Variants in RBM6 observed in about 807,000 individuals in gnomAD.
RBM6 encodes RNA binding motif protein 6, also known as RNA-binding protein 6.
A neutral mutation model predicts 140.4 loss-of-function variants in RBM6; 23 were observed. The ratio of observed to expected loss-of-function variants is 0.16; its 90% CI spans 0.12 to 0.23. The LOEUF (loss-of-function observed/expected upper bound fraction) is 0.23. RBM6 is among the 10% of genes least tolerant of loss of function. The probability of loss-of-function intolerance (pLI) is 1.00; values close to 1 mark genes in which losing one functional copy is unlikely to be tolerated. For synonymous variants in RBM6, 439 were observed against 475.6 expected, an observed-to-expected ratio of 0.92 and a Z score of 1.00; for missense variants, 1,139 against 1,386.7, an observed-to-expected ratio of 0.82 and a Z score of 2.84.
intron 2 of RBM6, among the ~76,000 whole-genome samples, chr3:49,965,893 A>G (rs901215351): frequency 6.6e-6 from 1 of 152,120 alleles, no homozygotes; most frequent in South Asian, 2.1e-4. Context: ...GGGGAGACAG[A>G]GATGGGTGGC....
chr3:50,051,047 AAGAG>A (rs894927174), intron 7 of RBM6, among the ~76,000 whole-genome samples: 15 of 151,974 alleles, frequency 9.9e-5, no homozygotes, highest in South Asian at 2.1e-4. Flanking sequence ...AAGAAAAAAA[AAGAG>A]AGAGAGAGAG....
At chr3:49,963,082 A>G in intron 2 of RBM6, 1 of 156,050 alleles carries the variant, frequency 6.4e-6, no homozygotes, top group Non-Finnish European at 1.4e-5. Flanking sequence ...CTTGGGCGAC[A>G]GAGGAAGACT....
intron 7 of RBM6, among the ~76,000 whole-genome samples, chr3:50,049,979 C>G (rs1025321437): frequency 2.0e-5 from 3 of 151,770 alleles, no homozygotes; most frequent in Non-Finnish European, 4.4e-5. Flanking sequence ...CCATCATGTC[C>G]AGGTTAGTTC....
At chr3:50,070,344 G>C (rs2090261532) in intron 18 of RBM6, 111 bp from the exon 19 acceptor site, 6 of 791,494 alleles carry the variant, frequency 7.6e-6, no homozygotes, top group Middle Eastern at 3.3e-4. Context: ...AACAGAGTGA[G>C]ACTCTGTCTC....
At chr3:49,961,064 A>G (rs1443626056) in intron 1 of RBM6, among the ~76,000 whole-genome samples, 1 of 151,858 alleles carries the variant, frequency 6.6e-6, no homozygotes, top group Non-Finnish European at 1.5e-5. Flanking sequence ...CATAGTCATC[A>G]TGCCTGACTA....
intron 6 of RBM6, among the ~76,000 whole-genome samples, chr3:50,024,781 G>A (rs2087706799): frequency 6.6e-6 from 1 of 152,016 alleles, no homozygotes; most frequent in Non-Finnish European, 1.5e-5. Context: ...GTGAAACCCC[G>A]TCTCTACTAA....
intron 7 of RBM6, among the ~76,000 whole-genome samples, chr3:50,050,260 T>C (rs1466086889): frequency 2.0e-5 from 3 of 152,166 alleles, no homozygotes; most frequent in African/African-American, 7.2e-5. Flanking sequence ...ACCATTAATC[T>C]TTTTTCTATC....
At chr3:49,992,495 T>A (rs1319013021) in intron 5 of RBM6, among the ~76,000 whole-genome samples, 1 of 152,238 alleles carries the variant, frequency 6.6e-6, no homozygotes, top group African/African-American at 2.4e-5. Context: ...TGTCTGATCT[T>A]TGATCTCTGA....
chr3:49,987,723 C>G (rs1281321971), intron 5 of RBM6, among the ~76,000 whole-genome samples: 1 of 152,106 alleles, frequency 6.6e-6, no homozygotes, highest in African/African-American at 2.4e-5. Flanking sequence ...ACTGCAACCT[C>G]TGCCTCCTGG....
chr3:49,995,266 TA>T (rs34447528), intron 5 of RBM6, among the ~76,000 whole-genome samples: 77,177 of 151,484 alleles, frequency 0.51, 20,718 homozygotes, highest in African/African-American at 0.64. Flanking sequence ...CTCATTTGCC[TA>T]AAAAAAAATA....
intron 5 of RBM6, chr3:49,981,529 A>G (rs550219791): frequency 6.6e-6 from 1 of 152,332 alleles, no homozygotes; most frequent in Admixed American, 6.5e-5. Context: ...AAGTGACTTA[A>G]TAATAAGCAA....
At chr3:49,958,038 G>C (rs1220705036) in intron 1 of RBM6, among the ~76,000 whole-genome samples, 1 of 152,090 alleles carries the variant, frequency 6.6e-6, no homozygotes, top group Non-Finnish European at 1.5e-5. Flanking sequence ...TGCCATGTTG[G>C]CCAGGCTGGT....
intron 6 of RBM6, among the ~76,000 whole-genome samples, chr3:50,008,631 G>A (rs2353587): frequency 0.5 from 72,342 of 143,822 alleles, 18,759 homozygotes; most frequent in East Asian, 0.86. Flanking sequence ...TGGGCTCAAT[G>A]CAACCTCCAC....
intron 1 of RBM6, among the ~76,000 whole-genome samples, chr3:49,941,289 A>G (rs1325172942): frequency 6.6e-6 from 1 of 152,154 alleles, no homozygotes; most frequent in Non-Finnish European, 1.5e-5. Flanking sequence ...CTCAGAAACT[A>G]GCATCTAACT....
At chr3:49,952,646 T>C (rs542441108) in intron 1 of RBM6, among the ~76,000 whole-genome samples, 5 of 151,884 alleles carry the variant, frequency 3.3e-5, no homozygotes, top group African/African-American at 1.2e-4. Flanking sequence ...ATTACAGGCA[T>C]GCATCACCAC....
intron 1 of RBM6, among the ~76,000 whole-genome samples, chr3:49,944,969 T>C (rs1159980999): frequency 1.3e-5 from 2 of 151,390 alleles, no homozygotes; most frequent in Admixed American, 1.3e-4. Flanking sequence ...CTCCGCCTCC[T>C]GGGTTCTTGC....
chr3:50,003,308 TAAAAAA>T (rs61492386), intron 6 of RBM6, among the ~76,000 whole-genome samples: 4 of 112,784 alleles, frequency 3.5e-5, no homozygotes, highest in Admixed American at 9.4e-5. Flanking sequence ...TGTCTAAATT[TAAAAAA>T]AAAAAAAAAA....
intron 19 of RBM6, among the ~76,000 whole-genome samples, chr3:50,074,745 A>G (rs2090407838): frequency 6.6e-6 from 1 of 152,260 alleles, no homozygotes; most frequent in African/African-American, 2.4e-5. Context: ...AACAAAACAT[A>G]GCTATCAGGC....
intron 1 of RBM6, among the ~76,000 whole-genome samples, chr3:49,952,899 G>T (rs72942340): frequency 0.01 from 1,534 of 152,124 alleles, 33 homozygotes; most frequent in African/African-American, 0.035. Context: ...CCATTCTGTG[G>T]GATGTCTTTT....
Sources: gnomAD v4.1 joint callset for allele counts (sites outside exome capture counted in the v4.1 genomes callset) on GRCh38, gnomAD v4.1.1 for gene constraint, MANE v1.5 for transcripts, NCBI Gene and HGNC (gene_info 2026-07-23, HGNC 2026-07-21) for gene names.